WWOX: variants seen among roughly 807,000 people sequenced by gnomAD.
The protein encoded by WWOX is WW domain-containing oxidoreductase.
In WWOX, 69 loss-of-function variants were observed where a neutral mutation model predicts 46.2. The ratio of observed to expected loss-of-function variants is 1.49; its 90% CI spans 1.23 to 1.82. WWOX has a LOEUF of 1.82. WWOX is among the 40% of genes most tolerant of loss of function. The pLI is 0.00. For missense variants in WWOX, 919 were observed against 542.6 expected, an observed-to-expected ratio of 1.69 and a Z score of -6.89; for synonymous variants, 359 against 202.6, an observed-to-expected ratio of 1.77 and a Z score of -6.56.
Position 78,216,389 on chromosome 16 carries a change from A to G in WWOX, c.516+52100A>G, listed in dbSNP as rs573459640. 2.6e-4 allele frequency among the ~76,000 whole-genome samples: 39 copies of G among 152,298 alleles called. 1 individual carries two copies. The highest frequency in any genetic ancestry group is 7.7e-4 in the East Asian group (4 of 5,176). ...TAGTTTCTGCTGGCCGCTGTAACAC[A>G]TTATCACCAGTGTAGCACCTAAACA... On this transcript the variant is annotated intron_variant, in intron 5 of 8. Transcript: ENST00000566780.
chr16:78,769,636 A>G (rs983465145), intron 8 of WWOX, among the ~76,000 whole-genome samples: 2 of 150,652 alleles, frequency 1.3e-5, no homozygotes, highest in African/African-American at 2.4e-5. Context: ...GACAGAAACT[A>G]TATCATAATT....
intron 8 of WWOX, among the ~76,000 whole-genome samples, chr16:78,819,448 C>T (rs1355751362): frequency 6.6e-6 from 1 of 152,192 alleles, no homozygotes; most frequent in Non-Finnish European, 1.5e-5. Flanking sequence ...GACAATGACC[C>T]AACAACCTGG....
intron 8 of WWOX, among the ~76,000 whole-genome samples, chr16:78,483,718 T>A (rs2738692): frequency 0.21 from 32,156 of 152,062 alleles, 3,861 homozygotes; most frequent in African/African-American, 0.32. Context: ...ATACTAATTC[T>A]TTTTTTCAAA....
intron 8 of WWOX, among the ~76,000 whole-genome samples, chr16:78,555,657 T>A (rs2044276573): frequency 1.3e-5 from 2 of 151,656 alleles, no homozygotes; most frequent in Admixed American, 1.3e-4. Context: ...TTTAGTCCTC[T>A]TATGAGCAAG....
At chr16:78,696,743 A>C (rs926778835) in intron 8 of WWOX, among the ~76,000 whole-genome samples, 1 of 151,940 alleles carries the variant, frequency 6.6e-6, no homozygotes, top group African/African-American at 2.4e-5. Flanking sequence ...GTGATTGGCG[A>C]GACTTTGGTG....
intron 5 of WWOX, chr16:78,238,063 C>T (rs1463608378): frequency 1.3e-5 from 2 of 152,218 alleles, no homozygotes; most frequent in African/African-American, 2.4e-5. Flanking sequence ...CTGGCCTCAA[C>T]CCTCAACTCA....
chr16:78,672,166 A>G (rs975611047), intron 8 of WWOX, among the ~76,000 whole-genome samples: 13 of 152,194 alleles, frequency 8.5e-5, no homozygotes, highest in African/African-American at 2.7e-4. Context: ...TAAATGTCAG[A>G]TTTAATTAAA....
rs746256458 is a variant in WWOX, at chr16:78,310,620, G to A, written c.517-76240G>A. On this transcript the variant is annotated intron_variant, in intron 5 of 8. Transcript: ENST00000566780. The stretch of plus-strand genomic sequence containing the variant: ...GGGTGCGGGCCATGTGCCAGTCACA[G>A]TGGAAAAGGCATGCTTCGTGTCAGC... 2.4e-4 allele frequency among the ~76,000 whole-genome samples: 37 copies of A among 152,342 alleles called. 1 individual carries two copies. The highest frequency in any genetic ancestry group is 6.5e-5 in the Admixed American group (1 of 15,302).
chr16:78,611,662 T>G (rs747494594), intron 8 of WWOX, among the ~76,000 whole-genome samples: 1 of 152,200 alleles, frequency 6.6e-6, no homozygotes, highest in Non-Finnish European at 1.5e-5. Context: ...CTCTGCATGA[T>G]TTTTTACGCA....
intron 8 of WWOX, among the ~76,000 whole-genome samples, chr16:78,656,540 G>GGT (rs1213033552): frequency 1.3e-5 from 2 of 152,116 alleles, no homozygotes; most frequent in African/African-American, 4.8e-5. Context: ...CGAAGGAGGA[G>GGT]GTACTACCCA....
At chr16:78,261,869 C>T (rs2079251553) in intron 5 of WWOX, among the ~76,000 whole-genome samples, 1 of 148,072 alleles carries the variant, frequency 6.8e-6, no homozygotes, top group Non-Finnish European at 1.5e-5. Flanking sequence ...CATTTTTCTC[C>T]ACCAATTCTG....
At chr16:79,036,964 A>G (rs1337197346) in intron 8 of WWOX, among the ~76,000 whole-genome samples, 1 of 152,220 alleles carries the variant, frequency 6.6e-6, no homozygotes, top group Admixed American at 6.5e-5. Context: ...CCATTTAGCC[A>G]CACAAAAGGA....
chr16:78,355,021 A>G (rs996271606), intron 5 of WWOX, among the ~76,000 whole-genome samples: 2 of 152,080 alleles, frequency 1.3e-5, no homozygotes, highest in Non-Finnish European at 2.9e-5. Context: ...AGTCACAGCT[A>G]CTTGGGAGGC....
At chr16:78,308,137 C>G (rs1381446623) in intron 5 of WWOX, among the ~76,000 whole-genome samples, 1 of 152,120 alleles carries the variant, frequency 6.6e-6, no homozygotes, top group Non-Finnish European at 1.5e-5. Context: ...TGGAAATAGG[C>G]AGTGCAGTGT....
At chr16:79,062,047 A>G (rs535342645) in intron 8 of WWOX, among the ~76,000 whole-genome samples, 1 of 152,214 alleles carries the variant, frequency 6.6e-6, no homozygotes, top group Admixed American at 6.5e-5. Flanking sequence ...TGATGCCCTT[A>G]TCAGCAAAAC....
At chr16:79,142,755 G>T (rs1284652110) in intron 8 of WWOX, among the ~76,000 whole-genome samples, 2 of 152,180 alleles carry the variant, frequency 1.3e-5, no homozygotes, top group African/African-American at 4.8e-5. Context: ...CGGGACTGCA[G>T]TGGCACCATT....
chr16:78,765,848 G>T (rs1037787348), intron 8 of WWOX, among the ~76,000 whole-genome samples: 6 of 152,190 alleles, frequency 3.9e-5, no homozygotes, highest in African/African-American at 1.2e-4. Context: ...GAGCCTAAGG[G>T]AACAGAGAGG....
chr16:78,873,092 C>T (rs1423732611), intron 8 of WWOX: 1 of 152,206 alleles, frequency 6.6e-6, no homozygotes, highest in African/African-American at 2.4e-5. Context: ...TCACCACACC[C>T]AGCCCAGAGG....
At chr16:78,945,580 T>C (rs183706394) in intron 8 of WWOX, among the ~76,000 whole-genome samples, 8 of 152,332 alleles carry the variant, frequency 5.3e-5, no homozygotes, top group African/African-American at 1.9e-4. Context: ...TTTTGGTTTT[T>C]TCTCTCTTTT....
Sources: allele counts gnomAD v4.1 joint callset (sites outside exome capture counted in the v4.1 genomes callset), GRCh38; gene constraint gnomAD v4.1.1; transcripts MANE v1.5; gene names NCBI Gene and HGNC (gene_info 2026-07-23, HGNC 2026-07-21).